Variants in DNAJB6 observed in about 807,000 individuals in gnomAD.
DNAJB6 encodes the protein dnaJ homolog subfamily B member 6.
Under a neutral mutation model 42.7 loss-of-function variants are expected in DNAJB6, and 16 were observed. The observed-to-expected ratio is 0.37, with a 90% CI of 0.25 to 0.57. DNAJB6 has a LOEUF of 0.57. Among genes scored for constraint, DNAJB6 ranks in the 20% least tolerant of loss-of-function variants. The probability of loss-of-function intolerance (pLI) is 0.74; values close to 1 mark genes in which losing one functional copy is unlikely to be tolerated. For synonymous variants in DNAJB6, 170 were observed against 163.5 expected (o/e 1.04, Z -0.30); for missense variants, 347 against 416.8 (o/e 0.83, Z 1.46).
chr7:157,399,173 C>T (rs769910285), intron 8 of DNAJB6, among the ~76,000 whole-genome samples: 4 of 152,176 alleles, frequency 2.6e-5, no homozygotes, highest in South Asian at 2.1e-4. Flanking sequence ...GGGGGCTCTT[C>T]GTGTGAGATC....
At position 157,382,491 on chromosome 7, in the gene DNAJB6, A is replaced by T. The variant is rs564982640; in HGVS notation, c.478+114A>T. On this transcript the variant is annotated intron_variant, in intron 6 of 9. Transcript: ENST00000262177. ...AATATGTGTATACCTTTCGTAGAAT[A>T]GCATTGTGGATTTGCCAGCTTTTTT... 9.2e-4 allele frequency: 1,109 copies of T among 1,208,506 alleles called. 23 individuals carry two copies. The South Asian group carries it at 0.017, about 18-fold the overall frequency. 74.9% of individuals were successfully genotyped at this position (1,208,506 alleles called of 1,614,324 possible). A position where few individuals can be genotyped will look rare whatever the true frequency, so the allele number is the denominator to read the frequency against.
At chr7:157,338,622 C>T (rs1798175906) in intron 1 of DNAJB6, among the ~76,000 whole-genome samples, 1 of 152,246 alleles carries the variant, frequency 6.6e-6, no homozygotes, top group Admixed American at 6.5e-5. Flanking sequence ...GCGCGAGCCA[C>T]CGCGCCTCGC....
intron 1 of DNAJB6, among the ~76,000 whole-genome samples, chr7:157,341,206 C>T (rs1798361842): frequency 6.6e-6 from 1 of 152,092 alleles, no homozygotes; most frequent in African/African-American, 2.4e-5. Context: ...CTCACTGCAA[C>T]CTCTGCCGCA....
intron 1 of DNAJB6, among the ~76,000 whole-genome samples, chr7:157,353,975 T>A (rs1799144160): frequency 6.6e-6 from 1 of 151,712 alleles, no homozygotes; most frequent in Admixed American, 6.6e-5. Context: ...GAGTCTGTGA[T>A]TTTGGATAGC....
chr7:157,371,991 G>A (rs963355204), intron 5 of DNAJB6, among the ~76,000 whole-genome samples: 3 of 152,216 alleles, frequency 2.0e-5, no homozygotes, highest in Non-Finnish European at 4.4e-5. Context: ...ACTGTGGTAC[G>A]AATGATGCTC....
At chr7:157,394,378 G>A (rs1801487407) in intron 8 of DNAJB6, among the ~76,000 whole-genome samples, 1 of 152,084 alleles carries the variant, frequency 6.6e-6, no homozygotes, top group Admixed American at 6.5e-5. Context: ...CTTAAAAAAT[G>A]TTTAAGTCCA....
chr7:157,400,645 A>T (rs1801818153), intron 8 of DNAJB6, among the ~76,000 whole-genome samples: 1 of 152,098 alleles, frequency 6.6e-6, no homozygotes, highest in African/African-American at 2.4e-5. Context: ...CACCAGGCTC[A>T]CCGCCGGGGC....
chr7:157,395,709 G>A lies in DNAJB6; in HGVS notation c.691+10098G>A, dbSNP rs186845907. On this transcript the variant is annotated intron_variant, in intron 8 of 9. Transcript: ENST00000262177. ...CTTTTTTTTTTTTTTTTTTGAGACGGAGTCATGCTCTGTCGCCCAGGCTGG... is the reference window on the plus strand; with the variant it reads ...CTTTTTTTTTTTTTTTTTTGAGACGAAGTCATGCTCTGTCGCCCAGGCTGG... 2.2e-4 allele frequency among the ~76,000 whole-genome samples: 33 copies of A among 147,412 alleles called. No homozygotes were observed. The East Asian group carries it at 6.6e-3, about 29-fold the overall frequency.
At chr7:157,389,327 T>G (rs1333483487) in intron 8 of DNAJB6, among the ~76,000 whole-genome samples, 1 of 152,258 alleles carries the variant, frequency 6.6e-6, no homozygotes, top group African/African-American at 2.4e-5. Flanking sequence ...AATAAATAAT[T>G]GGCATATTAT....
chr7:157,399,436 G>T (rs1003658128), intron 8 of DNAJB6, among the ~76,000 whole-genome samples: 7 of 152,188 alleles, frequency 4.6e-5, no homozygotes, highest in Admixed American at 4.6e-4. Context: ...AGGTTAGGAC[G>T]GCATTTTCAC....
chr7:157,375,587 C>T (rs1800430268), intron 5 of DNAJB6, among the ~76,000 whole-genome samples: 1 of 152,304 alleles, frequency 6.6e-6, no homozygotes, highest in South Asian at 2.1e-4. Context: ...ATTCTAGGTG[C>T]TGGTTTGGCA....
chr7:157,337,872 C>A (rs1159790357), intron 1 of DNAJB6: 1 of 152,168 alleles, frequency 6.6e-6, no homozygotes, highest in African/African-American at 2.4e-5. Context: ...GGTTTTGGCA[C>A]TAGCGAATTT....
rs369235805 is a variant in DNAJB6 at position 157,416,115 on chromosome 7, G to A, written c.*17G>A. On this transcript the variant is annotated 3_prime_UTR_variant, in exon 10 of 10. Transcript: ENST00000262177. Reference sequence around the variant, plus strand: ...AATCACTAGACCGGACTTGAGGCACGCGGTGCACCCCCAGACGCTGGCGCT... The same window carrying A: ...AATCACTAGACCGGACTTGAGGCACACGGTGCACCCCCAGACGCTGGCGCT... 4.1e-4 allele frequency: 656 copies of A among 1,610,564 alleles called. 5 individuals carry two copies. The highest frequency in any genetic ancestry group is 3.0e-3 in the South Asian group (275 of 90,820).
chr7:157,366,437 C>A (rs1380426882), intron 3 of DNAJB6, 65 bp from the exon 4 acceptor site: 6 of 1,410,530 alleles, frequency 4.3e-6, no homozygotes, highest in Non-Finnish European at 5.0e-6. Flanking sequence ...TGGGGAAATA[C>A]CTTATCTATT....
rs541529422 is a variant in DNAJB6, at chr7:157,356,779, C to T, written c.-26-1768C>T. Among the ~76,000 whole-genome samples, 5 of 152,250 alleles carry T rather than the reference C, an allele frequency of 3.3e-5. No homozygotes were observed. In the South Asian group the frequency reaches 1.0e-3, roughly 32 times the overall value. On this transcript the variant is annotated intron_variant, in intron 1 of 9. Transcript: ENST00000262177. ...TTTAAAAATACTGGGAACAAATCTA[C>T]TTAAGAAAAAGAACATTTTGATACT...
intron 1 of DNAJB6, among the ~76,000 whole-genome samples, chr7:157,353,964 T>G (rs76158387): frequency 6.6e-6 from 1 of 151,612 alleles, no homozygotes; most frequent in Admixed American, 6.6e-5. Flanking sequence ...GCGCCTGGCC[T>G]GAGTCTGTGA....
intron 1 of DNAJB6, among the ~76,000 whole-genome samples, chr7:157,353,584 G>A (rs1411530666): frequency 1.1e-5 from 1 of 93,264 alleles, no homozygotes; most frequent in African/African-American, 4.7e-5. Context: ...TTTCTTGACC[G>A]GGGTGTGTGT....
chr7:157,377,499 G>A (rs1800530826), intron 5 of DNAJB6, among the ~76,000 whole-genome samples: 1 of 151,838 alleles, frequency 6.6e-6, no homozygotes, highest in African/African-American at 2.4e-5. Context: ...ACTGCCACTG[G>A]GGGAGAAACG....
intron 8 of DNAJB6, among the ~76,000 whole-genome samples, chr7:157,388,427 T>C (rs889862771): frequency 4.6e-5 from 7 of 152,180 alleles, no homozygotes; most frequent in Non-Finnish European, 1.0e-4. Context: ...CAACAGTCTC[T>C]TTACTTGCTG....
Sources: allele counts gnomAD v4.1 joint callset (sites outside exome capture counted in the v4.1 genomes callset), GRCh38; gene constraint gnomAD v4.1.1; transcripts MANE v1.5; gene names NCBI Gene and HGNC (gene_info 2026-07-23, HGNC 2026-07-21).